Variants in INTS1 observed in about 807,000 individuals in gnomAD.
INTS1 encodes the protein integrator complex subunit 1.
Under a neutral mutation model 241.6 loss-of-function variants are expected in INTS1, and 137 were observed. The observed-to-expected ratio is 0.57, with a 90% confidence interval of 0.49 to 0.65. The LOEUF (loss-of-function observed/expected upper bound fraction) is 0.65, where lower values mean the gene tolerates loss of function less well. INTS1 is among the 30% of genes least tolerant of loss of function. The probability of loss-of-function intolerance (pLI) is 0.00; values close to 1 mark genes in which losing one functional copy is unlikely to be tolerated. For synonymous variants in INTS1, 1,692 were observed against 1,337.8 expected (o/e 1.26, Z -5.78); for missense variants, 3,073 against 3,032.2 (o/e 1.01, Z -0.32).
intron 40 of INTS1, 85 bp from the exon 41 acceptor site, chr7:1,474,445 G>C: frequency 1.4e-6 from 2 of 1,394,628 alleles, no homozygotes; most frequent in Non-Finnish European, 1.9e-6. Context: ...TGCCTGCCCC[G>C]GGAGCCAGAC....
At chr7:1,484,254 T>A in intron 24 of INTS1, 84 bp from the exon 25 acceptor site, 1 of 1,401,014 alleles carries the variant, frequency 7.1e-7, no homozygotes, top group Non-Finnish European at 9.7e-7. Context: ...GCAGGCACGC[T>A]CTCACTGGGA....
intron 21 of INTS1, 55 bp from the exon 22 acceptor site, chr7:1,486,829 C>T (rs921994032): frequency 4.2e-5 from 60 of 1,442,078 alleles, no homozygotes; most frequent in South Asian, 2.6e-4. Flanking sequence ...GCGGGTAGGA[C>T]GTGGGGTGCG....
intron 1 of INTS1, 123 bp from the exon 2 acceptor site, chr7:1,504,124 C>A: frequency 1.7e-6 from 1 of 579,698 alleles, no homozygotes. Flanking sequence ...GCCCGCCCGG[C>A]GGGGCGATGC....
chr7:1,492,965 C>A (rs1208525550), intron 16 of INTS1, 45 bp downstream of exon 16: 1 of 1,469,080 alleles, frequency 6.8e-7, no homozygotes, highest in African/African-American at 1.4e-5. Flanking sequence ...GGGAGCGGGG[C>A]GCGGGCTTAC....
In INTS1 at chr7:1,476,373, G is replaced by A. The variant is rs775566577; in HGVS notation, c.5234C>T (p.Thr1745Met). Residue 1745 changes from threonine to methionine, a missense_variant, in exon 38 of 48, where the codon ACG becomes ATG. Transcript: ENST00000404767. The stretch of plus-strand genomic sequence containing the variant: ...GGCTGTGTCCCCGTCCTGGCTCCGC[G>A]TCTCCGCCTCGGCCAGGATCAGCTC... ...LVELILAEAE[T>M]RSQDGDTAAC... 23 of 1,577,070 alleles carry A rather than the reference G, an allele frequency of 1.5e-5. No homozygotes were observed. The highest frequency in any genetic ancestry group is 3.3e-4 in the Middle Eastern group (2 of 6,040).
intron 24 of INTS1, among the ~76,000 whole-genome samples, chr7:1,484,452 G>A (rs1020742992): frequency 6.6e-6 from 1 of 152,188 alleles, no homozygotes; most frequent in Non-Finnish European, 1.5e-5. Context: ...TTCACCTATC[G>A]CTCATTCCCT....
chr7:1,492,461 T>G (rs994240415), intron 16 of INTS1, among the ~76,000 whole-genome samples: 2 of 152,078 alleles, frequency 1.3e-5, no homozygotes, highest in Non-Finnish European at 2.9e-5. Context: ...TGACAGCTGG[T>G]GGGAATGGGG....
rs750535621 is a variant in INTS1, at chr7:1,478,415, G to A, written c.4581C>T (p.Thr1527=). ...VSSTVRAVIA[T]LRSGEQCSVE... is the part of the protein sequence containing the mutation. ...CGCTGCACTGCTCCCCAGACCTCAG[G>A]GTGGCGATGACGGCACGGACGGTGG... Residue 1527 remains threonine, a synonymous_variant, in exon 33 of 48, where the codon ACC becomes ACT. Coordinates refer to ENST00000404767, the MANE Select transcript of INTS1 (RefSeq NM_001080453.3). 3 of 1,612,750 alleles carry A rather than the reference G, an allele frequency of 1.9e-6. No individual in the cohort carries two copies. Among genetic ancestry groups the A allele is most frequent in the Middle Eastern group, 3.3e-4 (2 of 6,058 alleles).
intron 2 of INTS1, 150 bp from the exon 3 acceptor site, chr7:1,503,341 G>T: frequency 1.2e-6 from 1 of 812,614 alleles, no homozygotes. Context: ...GCCTACAGCA[G>T]AGCTGGGACC....
intron 13 of INTS1, 51 bp from the exon 14 acceptor site, chr7:1,494,944 AG>A (rs979585743): frequency 6.5e-7 from 1 of 1,542,942 alleles, no homozygotes; most frequent in African/African-American, 1.4e-5. Flanking sequence ...CTCAGGGACC[AG>A]CCCCGTTAGT....
In INTS1 at chr7:1,481,145, G is replaced by T; in HGVS notation, c.3850+197C>A. On this transcript the variant is annotated intron_variant, in intron 28 of 47. Coordinates refer to ENST00000404767, the MANE Select transcript of INTS1 (RefSeq NM_001080453.3). The surrounding 1 kb of genome is among the most constrained non-coding windows in gnomAD (Gnocchi z 6.8). ...CTAGGGGGTGCCTGGCCCCAGGGTT[G>T]GGGCAGGCCCAGGCCTCGGCTCCCT... The T allele has an allele frequency of 1.3e-6, 1 of 747,662 alleles. No homozygotes were observed. The highest frequency in any genetic ancestry group is 2.3e-6 in the Non-Finnish European group (1 of 441,402). The allele number at this position is 747,662 out of a possible 1,614,324, so 46.3% of individuals were successfully genotyped here. A position where few individuals can be genotyped will look rare whatever the true frequency, so the allele number is the denominator to read the frequency against.
rs779692641 is a variant in INTS1, at chr7:1,500,212, G to T, written c.504C>A (p.Ala168=). 1 of 1,603,744 alleles carries T rather than the reference G, an allele frequency of 6.2e-7. No individual in the cohort carries two copies. The highest frequency in any genetic ancestry group is 8.5e-7 in the Non-Finnish European group (1 of 1,174,028). The change falls in exon 4 of 48, where the codon GCC becomes GCA. Residue 168 remains alanine, a synonymous_variant. Coordinates refer to ENST00000404767, the MANE Select transcript of INTS1 (RefSeq NM_001080453.3). ...STLYLSLMYL[A]KIKPNIFATE... ...TGGCGAAGATGTTGGGCTTGATCTT[G>T]GCCAGGTACATGAGGCTCAGGTAGA...
At chr7:1,492,234 T>C (rs1782588625) in intron 16 of INTS1, among the ~76,000 whole-genome samples, 1 of 152,210 alleles carries the variant, frequency 6.6e-6, no homozygotes, top group South Asian at 2.1e-4. Context: ...ACATGATCTC[T>C]GTCCACACAG....
In INTS1 at chr7:1,470,552, T is replaced by C. The variant is rs1388255648; in HGVS notation, c.*25A>G. On this transcript the variant is annotated 3_prime_UTR_variant, in exon 48 of 48. Coordinates refer to ENST00000404767, the MANE Select transcript of INTS1 (RefSeq NM_001080453.3). ...CCCGGGGACGGGACGGGCCGGGGCT[T>C]GGAGGGGGGTCGGCTGCCACAGGCT... The C allele has an allele frequency of 5.3e-6, 8 of 1,501,738 alleles. No individual in the cohort carries two copies. Among genetic ancestry groups the C allele is most frequent in the Non-Finnish European group, 7.2e-6 (8 of 1,111,212 alleles). The allele number at this position is 1,501,738 out of a possible 1,614,324, so 93.0% of individuals were successfully genotyped here. A position where few individuals can be genotyped will look rare whatever the true frequency, so the allele number is the denominator to read the frequency against.
Position 1,499,372 on chromosome 7 carries a change from G to A in INTS1, c.845-12C>T, listed in dbSNP as rs1374119304. On this transcript the variant is annotated splice_polypyrimidine_tract_variant and intron_variant, in intron 6 of 47. Coordinates refer to ENST00000404767, the MANE Select transcript of INTS1 (RefSeq NM_001080453.3). The stretch of plus-strand genomic sequence containing the variant: ...GTGTGGGCTGCTCCCTGCAAACCAA[G>A]GAGAGGGCTCCATGCAGCGCCTCCC... 1.9e-6 allele frequency: 3 copies of A among 1,568,642 alleles called. No homozygotes were observed. Among genetic ancestry groups the A allele is most frequent in the Non-Finnish European group, 2.6e-6 (3 of 1,154,380 alleles).
In INTS1 at chr7:1,477,661, C is replaced by G; in HGVS notation, c.4827G>C (p.Val1609=). 1.9e-6 allele frequency: 3 copies of G among 1,594,758 alleles called. No homozygotes were observed. Among genetic ancestry groups the G allele is most frequent in the Non-Finnish European group, 2.6e-6 (3 of 1,171,188 alleles). Residue 1609 remains valine, a synonymous_variant, in exon 35 of 48, where the codon GTG becomes GTC. Transcript: ENST00000404767. ...PGADGGSLEA[V]RLGPSSGLLV... is the part of the protein sequence containing the mutation. ...GGAGGCCTGACGAGGGCCCCAGCCG[C>G]ACGGCCTCCAGGCTGCAGGGAGAAG... is the stretch of plus-strand genomic sequence containing the variant.
In INTS1 at chr7:1,474,369, G is replaced by A. The variant is rs371766443; in HGVS notation, c.5637-9C>T. 8 of 1,580,830 alleles carry A rather than the reference G, an allele frequency of 5.1e-6. No homozygotes were observed. Among genetic ancestry groups the A allele is most frequent in the East Asian group, 4.6e-5 (2 of 43,900 alleles). On this transcript the variant is annotated splice_polypyrimidine_tract_variant and intron_variant, in intron 40 of 47. Transcript: ENST00000404767. Reference sequence around the variant, plus strand: ...CGATCATGGGCAGGTGCCTGCGGGCGCGGTGAGGGCCCAGTCAGCCCCGGC... The same window carrying A: ...CGATCATGGGCAGGTGCCTGCGGGCACGGTGAGGGCCCAGTCAGCCCCGGC...
intron 39 of INTS1, 77 bp from the exon 40 acceptor site, chr7:1,474,915 C>T: frequency 6.6e-7 from 1 of 1,504,388 alleles, no homozygotes. Context: ...TGGCCGCCAG[C>T]TGTGGCCGTG....
In INTS1 at chr7:1,503,047, G is replaced by T; in HGVS notation, c.203C>A (p.Ala68Asp). The part of the protein sequence containing the change: ...KRDAAAALSS[A>D]SALTGLTKRP... ...TTTGGTGAGACCGGTGAGGGCCGAG[G>T]CACTGGACAACGCGGCCGCCGCATC... Residue 68 changes from alanine to aspartate, a missense_variant, in exon 3 of 48, where the codon GCC (alanine) becomes GAC (aspartate). Coordinates refer to ENST00000404767, the MANE Select transcript of INTS1 (RefSeq NM_001080453.3). 6.2e-7 allele frequency: 1 copy of T among 1,613,642 alleles called. No homozygotes were observed. The highest frequency in any genetic ancestry group is 8.5e-7 in the Non-Finnish European group (1 of 1,179,836).
Sources: allele counts gnomAD v4.1 joint callset (sites outside exome capture counted in the v4.1 genomes callset), GRCh38; gene constraint gnomAD v4.1.1; non-coding constraint Gnocchi (gnomAD v3.1); transcripts MANE v1.5; gene names NCBI Gene and HGNC (gene_info 2026-07-23, HGNC 2026-07-21).